Variants in COBL observed in about 807,000 individuals in gnomAD.
The protein encoded by COBL is protein cordon-bleu.
A neutral mutation model predicts 98.8 loss-of-function variants in COBL; 51 were observed. The ratio of observed to expected loss-of-function variants is 0.52; its 90% confidence interval spans 0.41 to 0.65. The LOEUF is 0.65. Among genes scored for constraint, COBL ranks in the 30% least tolerant of loss-of-function variants. The pLI, the probability that COBL is intolerant of heterozygous loss-of-function variation, is 0.00. For synonymous variants in COBL, 634 were observed against 651.7 expected, an observed-to-expected ratio of 0.97 and a Z score of 0.41; for missense variants, 1,617 against 1,617.5, an observed-to-expected ratio of 1.00 and a Z score of 0.01.
chr7:51,283,496 T>G (rs548564557), intron 1 of COBL, among the ~76,000 whole-genome samples: 4 of 152,324 alleles, frequency 2.6e-5, no homozygotes, highest in East Asian at 3.9e-4. Flanking sequence ...TTGTTTGTTT[T>G]TTTGTGAGAT....
intron 1 of COBL, among the ~76,000 whole-genome samples, chr7:51,255,725 G>A (rs959963510): frequency 1.1e-4 from 16 of 152,184 alleles, no homozygotes; most frequent in African/African-American, 3.1e-4. Context: ...AATGAATCAC[G>A]GGGCTGCAGT....
At chr7:51,075,787 T>C (rs1357095138) in intron 7 of COBL, among the ~76,000 whole-genome samples, 1 of 152,216 alleles carries the variant, frequency 6.6e-6, no homozygotes, top group Non-Finnish European at 1.5e-5. Flanking sequence ...TGAAAAGCTA[T>C]ATATAGATCT....
chr7:51,026,397 C>G, intron 11 of COBL, 149 bp downstream of exon 11: 9 of 1,092,394 alleles, frequency 8.2e-6, no homozygotes, highest in Non-Finnish European at 1.2e-5. Flanking sequence ...CCCAGTGTCT[C>G]ACACAGGCTG....
chr7:51,076,716 G>T (rs1034103322), intron 7 of COBL, among the ~76,000 whole-genome samples: 1 of 152,102 alleles, frequency 6.6e-6, no homozygotes, highest in South Asian at 2.1e-4. Flanking sequence ...TGTTGGGGGG[G>T]GTTGCTTAGA....
chr7:51,075,438 C>T (rs1052862532), intron 7 of COBL, among the ~76,000 whole-genome samples: 14 of 151,996 alleles, frequency 9.2e-5, no homozygotes, highest in South Asian at 6.2e-4. Context: ...CCTACAGATC[C>T]GATACATGTA....
chr7:51,129,269 G>A (rs915224294), intron 6 of COBL, among the ~76,000 whole-genome samples: 9 of 151,966 alleles, frequency 5.9e-5, no homozygotes, highest in Non-Finnish European at 1.0e-4. Context: ...CTGGAGGGCC[G>A]GCTTCCTGCT....
rs10273 is a variant in COBL at position 51,016,607 on chromosome 7, C to A, written c.*944G>T. 0.19 allele frequency: 45,122 copies of A among 235,326 alleles called. 4,764 individuals carry two copies. Among genetic ancestry groups the A allele is most frequent in the East Asian group, 0.3 (3,695 of 12,258 alleles). 14.6% of individuals were successfully genotyped at this position (235,326 alleles called of 1,614,324 possible). Reference sequence around the variant, plus strand: ...GAGCTGTTGGACAAACGCGTCAAGGCTGAACCAAAATTGTGATGCTCTCAG... The same window carrying A: ...GAGCTGTTGGACAAACGCGTCAAGGATGAACCAAAATTGTGATGCTCTCAG... On this transcript the variant is annotated 3_prime_UTR_variant, in exon 13 of 13. Coordinates refer to ENST00000265136, the MANE Select transcript of COBL (RefSeq NM_015198.5).
intron 7 of COBL, chr7:51,071,758 T>C (rs936854387): frequency 6.6e-6 from 1 of 152,232 alleles, no homozygotes; most frequent in Non-Finnish European, 1.5e-5. Flanking sequence ...GCTGTAATTA[T>C]ATACAATCTT....
chr7:51,044,050 A>G (rs1291829649), intron 7 of COBL, among the ~76,000 whole-genome samples: 1 of 152,246 alleles, frequency 6.6e-6, no homozygotes, highest in Non-Finnish European at 1.5e-5. Flanking sequence ...AACTTGTTTA[A>G]TGTGAGATCT....
intron 7 of COBL, among the ~76,000 whole-genome samples, chr7:51,078,588 C>T (rs1793314109): frequency 6.6e-6 from 1 of 152,208 alleles, no homozygotes; most frequent in African/African-American, 2.4e-5. Flanking sequence ...TGCTGCAGAA[C>T]AAATTATCCT....
In COBL at chr7:51,189,462, C is replaced by G. The variant is rs187246583; in HGVS notation, c.685+1388G>C. ...CAGCCTGGCCAACGTGGTGAAACCC[C>G]GTCTCTACTAAAAACACAAAAATTA... On this transcript the variant is annotated intron_variant, in intron 4 of 12. Transcript: ENST00000265136. 7.3e-3 allele frequency among the ~76,000 whole-genome samples: 1,107 copies of G among 152,174 alleles called. 13 individuals are homozygous for G. The highest frequency in any genetic ancestry group is 0.026 in the African/African-American group (1,075 of 41,510).
intron 6 of COBL, among the ~76,000 whole-genome samples, chr7:51,115,229 A>G (rs1477265305): frequency 2.0e-5 from 3 of 152,096 alleles, no homozygotes; most frequent in African/African-American, 7.2e-5. Flanking sequence ...GAAAGACAGA[A>G]AGAGCTCTGA....
At chr7:51,241,767 A>G (rs184984215) in intron 1 of COBL, among the ~76,000 whole-genome samples, 120 of 152,212 alleles carry the variant, frequency 7.9e-4, no homozygotes, top group African/African-American at 2.8e-3. Flanking sequence ...CCTCTTCCAG[A>G]CTCATGATCC....
chr7:51,212,935 G>A (rs758445001), intron 2 of COBL, among the ~76,000 whole-genome samples: 3 of 152,206 alleles, frequency 2.0e-5, no homozygotes, highest in Admixed American at 6.5e-5. Context: ...TACCCAGGAC[G>A]TGCACACTTA....
At chr7:51,273,341 A>AAG (rs1017084726) in intron 1 of COBL, among the ~76,000 whole-genome samples, 3 of 151,738 alleles carry the variant, frequency 2.0e-5, no homozygotes, top group African/African-American at 7.3e-5. Context: ...AAAAAAAAAA[A>AAG]AAAAAGAAAA....
At chr7:51,192,611 C>T (rs1183328604) in intron 3 of COBL, among the ~76,000 whole-genome samples, 1 of 152,016 alleles carries the variant, frequency 6.6e-6, no homozygotes. Context: ...CGTCTCAAAA[C>T]AACAACAACA....
intron 2 of COBL, among the ~76,000 whole-genome samples, chr7:51,215,244 A>C (rs1792919394): frequency 6.6e-6 from 1 of 152,242 alleles, no homozygotes; most frequent in East Asian, 1.9e-4. Flanking sequence ...GAAGATAAGC[A>C]GTTCATAGTT....
chr7:51,176,419 C>T (rs935721844), intron 5 of COBL, among the ~76,000 whole-genome samples: 2 of 152,224 alleles, frequency 1.3e-5, no homozygotes, highest in Admixed American at 6.5e-5. Flanking sequence ...GACACACACA[C>T]ACACACACAC....
chr7:51,036,908 A>AT (rs1788703160), intron 8 of COBL, among the ~76,000 whole-genome samples: 1 of 152,178 alleles, frequency 6.6e-6, no homozygotes, highest in Admixed American at 6.5e-5. Flanking sequence ...TAGAACTCAG[A>AT]TTTTCACAAT....
Sources: allele counts gnomAD v4.1 joint callset (sites outside exome capture counted in the v4.1 genomes callset), GRCh38; gene constraint gnomAD v4.1.1; transcripts MANE v1.5; gene names NCBI Gene and HGNC (gene_info 2026-07-23, HGNC 2026-07-21).